PDE3A: variants seen among roughly 807,000 people sequenced by gnomAD.
PDE3A encodes the protein phosphodiesterase 3A, also known as cGMP-inhibited 3',5'-cyclic phosphodiesterase 3A.
PDE3A carries 43 observed loss-of-function variants against 98.3 expected under a neutral mutation model. That is an observed-to-expected ratio of 0.44 (90% CI 0.34 to 0.56). PDE3A has a LOEUF of 0.56. Among genes scored for constraint, PDE3A ranks in the 20% least tolerant of loss-of-function variants. The pLI is 0.01. For synonymous variants in PDE3A, 663 were observed against 567.9 expected, an observed-to-expected ratio of 1.17 and a Z score of -2.38; for missense variants, 1,427 against 1,440.7, an observed-to-expected ratio of 0.99 and a Z score of 0.15.
chr12:20,578,906 C>A (rs1325194745), intron 2 of PDE3A, among the ~76,000 whole-genome samples: 1 of 152,082 alleles, frequency 6.6e-6, no homozygotes, highest in Non-Finnish European at 1.5e-5. Context: ...GAATAGTGTT[C>A]TTTTCATAGT....
In PDE3A at chr12:20,552,758, C is replaced by G. The variant is rs1942249158; in HGVS notation, c.961-3902C>G. 6.2e-6 allele frequency: 10 copies of G among 1,614,040 alleles called. No individual in the cohort carries two copies. The highest frequency in any genetic ancestry group is 8.5e-6 in the Non-Finnish European group (10 of 1,179,898). On this transcript the variant is annotated intron_variant, in intron 1 of 15. Coordinates refer to ENST00000359062, the MANE Select transcript of PDE3A (RefSeq NM_000921.5). This position sits in a 1 kb window ranked among gnomAD's most constrained non-coding sequence, Gnocchi z 5.1. ...AAGGACCGGCCGGCGAGCGGCAGCC[C>G]GTTCCAGTTGTTCCTGAGTAAAGTG...
chr12:20,640,380 T>C (rs1944618766), intron 10 of PDE3A, among the ~76,000 whole-genome samples: 1 of 152,104 alleles, frequency 6.6e-6, no homozygotes, highest in African/African-American at 2.4e-5. Flanking sequence ...ATCCCTTTTA[T>C]TGGGTAAATT....
chr12:20,511,333 G>C (rs1161693986), intron 1 of PDE3A, among the ~76,000 whole-genome samples: 1 of 151,876 alleles, frequency 6.6e-6, no homozygotes, highest in African/African-American at 2.4e-5. Flanking sequence ...CTGTGAAAAA[G>C]TGGCTTAATC....
At chr12:20,452,820 CT>C (rs1945090225) in intron 1 of PDE3A, among the ~76,000 whole-genome samples, 1 of 152,184 alleles carries the variant, frequency 6.6e-6, no homozygotes, top group African/African-American at 2.4e-5. Flanking sequence ...TGCCAGCCCC[CT>C]GACACTGAAT....
chr12:20,457,894 G>A (rs569698378), intron 1 of PDE3A, among the ~76,000 whole-genome samples: 1 of 152,066 alleles, frequency 6.6e-6, no homozygotes, highest in East Asian at 1.9e-4. Context: ...GCTGCATTTT[G>A]AGCCTATCTT....
chr12:20,546,102 A>G (rs1942049541), intron 1 of PDE3A, among the ~76,000 whole-genome samples: 1 of 151,972 alleles, frequency 6.6e-6, no homozygotes, highest in Non-Finnish European at 1.5e-5. Context: ...TATGATATGC[A>G]GGCGGTTCCT....
At chr12:20,664,232 T>A (rs966901057) in intron 15 of PDE3A, among the ~76,000 whole-genome samples, 2 of 152,110 alleles carry the variant, frequency 1.3e-5, no homozygotes, top group Non-Finnish European at 2.9e-5. Context: ...AGCAGTTTTT[T>A]ATAGCAGCAT....
intron 2 of PDE3A, among the ~76,000 whole-genome samples, chr12:20,605,119 T>A (rs1488954358): frequency 2.0e-5 from 3 of 152,214 alleles, no homozygotes; most frequent in African/African-American, 7.2e-5. Context: ...AACAATTCCA[T>A]TTTTCTGCAG....
intron 1 of PDE3A, among the ~76,000 whole-genome samples, chr12:20,385,082 T>C (rs537143467): frequency 3.3e-4 from 50 of 152,092 alleles, no homozygotes; most frequent in African/African-American, 1.0e-3. Context: ...GTATTACTGG[T>C]TCTAGGTCTT....
At chr12:20,546,956 A>G (rs13377733) in intron 1 of PDE3A, among the ~76,000 whole-genome samples, 5,086 of 152,154 alleles carry the variant, frequency 0.033, 286 homozygotes, top group African/African-American at 0.12. Flanking sequence ...ATACTAAAGG[A>G]AAATAGTAAA....
chr12:20,646,568 C>T lies in PDE3A; in HGVS notation c.2330C>T (p.Thr777Ile). Residue 777 changes from threonine (T) to isoleucine (I), a missense_variant, in exon 11 of 16, where the codon ACT (threonine) becomes ATT (isoleucine). Physicochemically the swap from Thr to Ile is moderately conservative, Grantham distance 89. Around this residue, in one of 3 missense-constraint regions of PDE3A, gnomAD observed 273 missense variants for 420.3 expected, o/e 0.65. Coordinates refer to ENST00000359062, the MANE Select transcript of PDE3A (RefSeq NM_000921.5). ...LTTQPIPGLS[T>I]VINDHGSTSD... ...ACACAGCCTATTCCAGGCCTCTCAA[C>T]TGTGATTAATGATCATGGTTCAACC... 1 of 1,606,564 alleles carries T rather than the reference C, an allele frequency of 6.2e-7. No individual in the cohort carries two copies. Among genetic ancestry groups the T allele is most frequent in the Non-Finnish European group, 8.5e-7 (1 of 1,173,154 alleles).
chr12:20,555,944 T>C (rs1942358779), intron 1 of PDE3A, among the ~76,000 whole-genome samples: 1 of 152,016 alleles, frequency 6.6e-6, no homozygotes, highest in Admixed American at 6.5e-5. Context: ...TAGCTGTAAA[T>C]ACTTCTTCAG....
rs141483819 is a variant in PDE3A at position 20,427,355 on chromosome 12, T to C, written c.960+57111T>C. On this transcript the variant is annotated intron_variant, in intron 1 of 15. Coordinates refer to ENST00000359062, the MANE Select transcript of PDE3A (RefSeq NM_000921.5). ...GTACACTAAGGGTTATTTTTAAGGA[T>C]TGAGTAAAATGGAAGTGTATTAATG... Among the ~76,000 whole-genome samples the C allele has an allele frequency of 6.6e-5, 10 of 152,308 alleles. No individual in the cohort carries two copies. The East Asian group carries it at 1.9e-3, about 29-fold the overall frequency.
chr12:20,420,097 TGTC>T (rs1944486872), intron 1 of PDE3A, among the ~76,000 whole-genome samples: 1 of 152,206 alleles, frequency 6.6e-6, no homozygotes, highest in Non-Finnish European at 1.5e-5. Context: ...TTTGTTGACT[TGTC>T]ATCATAATTT....
At chr12:20,418,051 A>G (rs10743374) in intron 1 of PDE3A, among the ~76,000 whole-genome samples, 93,829 of 151,652 alleles carry the variant, frequency 0.62, 30,769 homozygotes, top group East Asian at 0.88. Context: ...TAGTTTTCCT[A>G]GGTAGAGAAT....
chr12:20,410,248 C>T (rs1313903332), intron 1 of PDE3A, among the ~76,000 whole-genome samples: 3 of 152,158 alleles, frequency 2.0e-5, no homozygotes, highest in Non-Finnish European at 4.4e-5. Flanking sequence ...TTTGGCATGA[C>T]CCTGTTGTCT....
chr12:20,389,953 C>A (rs866339843), intron 1 of PDE3A, among the ~76,000 whole-genome samples: 2 of 151,004 alleles, frequency 1.3e-5, no homozygotes, highest in African/African-American at 2.4e-5. Context: ...AAAAAAAAAA[C>A]CCAGTGTATT....
At chr12:20,440,096 G>A (rs1035434486) in intron 1 of PDE3A, among the ~76,000 whole-genome samples, 1 of 152,100 alleles carries the variant, frequency 6.6e-6, no homozygotes, top group African/African-American at 2.4e-5. Flanking sequence ...TAAATCCAAA[G>A]AAATCTAATT....
At chr12:20,666,086 G>A (rs1037632042) in intron 15 of PDE3A, among the ~76,000 whole-genome samples, 2 of 149,566 alleles carry the variant, frequency 1.3e-5, no homozygotes, top group African/African-American at 4.9e-5. Context: ...TCCTGCCTCA[G>A]CCCCCCAAGT....
Sources: gnomAD v4.1 joint callset for allele counts (sites outside exome capture counted in the v4.1 genomes callset) on GRCh38, gnomAD v4.1.1 for gene constraint, gnomAD v4.1.1 regional missense constraint, Gnocchi (gnomAD v3.1) non-coding constraint, MANE v1.5 for transcripts, NCBI Gene and HGNC (gene_info 2026-07-23, HGNC 2026-07-21) for gene names.